Variants in MRPL40 observed in about 807,000 individuals in gnomAD.
The protein encoded by MRPL40 is mitochondrial ribosomal protein L40.
MRPL40 carries 18 observed loss-of-function variants against 24.5 expected under a neutral mutation model. That is an observed-to-expected ratio of 0.73 (90% confidence interval 0.51 to 1.09). The LOEUF is 1.09. Ranked by LOEUF, MRPL40 falls within the 50% of genes least tolerant of loss-of-function variation. MRPL40 has a pLI of 0.00. For synonymous variants in MRPL40, 108 were observed against 94.6 expected, an observed-to-expected ratio of 1.14 and a Z score of -0.82; for missense variants, 256 against 243.8, an observed-to-expected ratio of 1.05 and a Z score of -0.33.
At position 19,433,273 on chromosome 22, in the gene MRPL40, G is replaced by C. The variant is rs754869673; in HGVS notation, c.62G>C (p.Gly21Ala). The C allele has an allele frequency of 3.3e-5, 53 of 1,610,460 alleles. No individual in the cohort carries two copies. Among genetic ancestry groups the C allele is most frequent in the Non-Finnish European group, 3.9e-5 (46 of 1,176,996 alleles). The change falls in exon 2 of 4, where the codon GGA becomes GCA. Residue 21 changes from glycine to alanine, a missense_variant. Physicochemically the swap from Gly to Ala is moderately conservative, Grantham distance 60. Coordinates refer to ENST00000333130, the MANE Select transcript of MRPL40 (RefSeq NM_003776.4). Reference protein sequence around the residue: ...LALRPTSGLLGTWQTQLRETH... With the variant: ...LALRPTSGLLATWQTQLRETH... ...ACTCTTGTATCTTTCAGGCTTCTGG[G>C]AACTTGGCAGACGCAGCTTAGAGAG...
rs1320465157 is a variant in MRPL40 at position 19,433,204 on chromosome 22, CGT to C, written c.54-59_54-58del. 6 of 1,190,598 alleles carry C rather than the reference CGT, an allele frequency of 5.0e-6. No individual in the cohort carries two copies. In the African/African-American group the frequency reaches 6.0e-5, roughly 12 times the overall value. 73.8% of individuals were successfully genotyped at this position (1,190,598 alleles called of 1,614,324 possible). A position where few individuals can be genotyped will look rare whatever the true frequency, so the allele number is the denominator to read the frequency against. On this transcript the variant is annotated intron_variant, in intron 1 of 3. Transcript: ENST00000333130. ...CCTCCCAAAGTGCTGGGATTACAGA[CGT>C]GAGCAACCGCGCCTAGCCTGGAGAA...
chr22:19,433,001 C>G, intron 1 of MRPL40: 1 of 659,648 alleles, frequency 1.5e-6, no homozygotes, highest in Non-Finnish European at 2.2e-6. Flanking sequence ...GCGATTTCGG[C>G]TCACTGCAAC....
At chr22:19,433,770 C>CT (rs200267816) in intron 2 of MRPL40, among the ~76,000 whole-genome samples, 11,630 of 149,026 alleles carry the variant, frequency 0.078, 496 homozygotes, top group Middle Eastern at 0.17. Flanking sequence ...TTTGATTTTT[C>CT]TTTTTTTTTT....
chr22:19,435,508 A>G (rs2089581316), intron 3 of MRPL40, 130 bp from the exon 4 acceptor site: 1 of 847,036 alleles, frequency 1.2e-6, no homozygotes, highest in South Asian at 1.7e-5. Flanking sequence ...TCAACATTCC[A>G]TTTCTTAATT....
At chr22:19,434,941 T>C in intron 3 of MRPL40, 47 bp downstream of exon 3, 3 of 1,481,320 alleles carry the variant, frequency 2.0e-6, no homozygotes, top group Non-Finnish European at 2.7e-6. Context: ...AAAGGAGTAA[T>C]ATCAACTTCA....
intron 3 of MRPL40, 50 bp downstream of exon 3, chr22:19,434,944 C>T (rs2089577652): frequency 6.8e-7 from 1 of 1,462,136 alleles, no homozygotes; most frequent in Non-Finnish European, 9.3e-7. Context: ...GGAGTAATAT[C>T]AACTTCAGGT....
rs763039025 is a variant in MRPL40, at chr22:19,433,319, G to T, written c.108G>T (p.Leu36Phe). 1.5e-5 allele frequency: 25 copies of T among 1,612,932 alleles called. No homozygotes were observed. The South Asian group carries it at 2.6e-4, about 17-fold the overall frequency. ...GAGAGACTCACCAGCGAGCGTCATTGTTGTCTTTCTGGGAACTCATTCCCA... is the reference window on the plus strand; with the variant it reads ...GAGAGACTCACCAGCGAGCGTCATTTTTGTCTTTCTGGGAACTCATTCCCA... ...QLRETHQRAS[L>F]LSFWELIPMR... Residue 36 changes from leucine (L) to phenylalanine (F), a missense_variant, in exon 2 of 4, where the codon TTG (leucine) becomes TTT (phenylalanine). Leu to Phe is a conservative substitution (Grantham distance 22). Transcript: ENST00000333130.
chr22:19,434,669 C>T, intron 2 of MRPL40, 67 bp from the exon 3 acceptor site: 1 of 1,358,060 alleles, frequency 7.4e-7, no homozygotes, highest in South Asian at 1.5e-5. Context: ...GGGTACTTAC[C>T]ATCTTGTCTC....
chr22:19,434,207 G>A (rs1601873212), intron 2 of MRPL40, among the ~76,000 whole-genome samples: 1 of 142,622 alleles, frequency 7.0e-6, no homozygotes, highest in African/African-American at 2.6e-5. Context: ...GCCTCTTGTT[G>A]CTTTTGTACT....
chr22:19,436,066 T>G lies in MRPL40; in HGVS notation c.*104T>G. 9.8e-7 allele frequency: 1 copy of G among 1,018,654 alleles called. No homozygotes were observed. Among genetic ancestry groups the G allele is most frequent in the Non-Finnish European group, 1.4e-6 (1 of 693,324 alleles). 63.1% of individuals were successfully genotyped at this position (1,018,654 alleles called of 1,614,324 possible). A position where few individuals can be genotyped will look rare whatever the true frequency, so the allele number is the denominator to read the frequency against. Reference sequence around the variant, plus strand: ...AGGCATGCTGTTAATAAATACTGGTTTAATCAAAATGCTCCTTTGTCTTGT... The same window carrying G: ...AGGCATGCTGTTAATAAATACTGGTGTAATCAAAATGCTCCTTTGTCTTGT... On this transcript the variant is annotated 3_prime_UTR_variant, in exon 4 of 4. Coordinates refer to ENST00000333130, the MANE Select transcript of MRPL40 (RefSeq NM_003776.4).
chr22:19,432,782 GC>G, intron 1 of MRPL40, 175 bp downstream of exon 1: 2 of 1,390,306 alleles, frequency 1.4e-6, no homozygotes, highest in Non-Finnish European at 1.9e-6. Context: ...CTGGCGAGCA[GC>G]GGTCCTGCTT....
At position 19,432,619 on chromosome 22, in the gene MRPL40, C is replaced by T. The variant is rs375943804; in HGVS notation, c.53+12C>T. On this transcript the variant is annotated intron_variant, in intron 1 of 3. Transcript: ENST00000333130. Reference sequence around the variant, plus strand: ...CGCCCGACTAGCGGGTGAGTGCGGACGCTGGCCGGATAGCGGAGTGCCCAG... The same window carrying T: ...CGCCCGACTAGCGGGTGAGTGCGGATGCTGGCCGGATAGCGGAGTGCCCAG... 1.1e-4 allele frequency: 163 copies of T among 1,548,670 alleles called. 1 individual carries two copies. Among genetic ancestry groups the T allele is most frequent in the South Asian group, 3.1e-4 (26 of 83,740 alleles).
Position 19,435,621 on chromosome 22 carries a change from C to T in MRPL40, c.297-17C>T, listed in dbSNP as rs1209670794. 1.2e-6 allele frequency: 2 copies of T among 1,600,634 alleles called. No homozygotes were observed. The highest frequency in any genetic ancestry group is 4.5e-5 in the East Asian group (2 of 44,752). On this transcript the variant is annotated splice_polypyrimidine_tract_variant and intron_variant, in intron 3 of 3. Transcript: ENST00000333130. ...CTTACATGCCAGTGAGATTGGTAACCCTTAGCTTCTTTGCAGAGAGCGGCC... is the reference window on the plus strand; with the variant it reads ...CTTACATGCCAGTGAGATTGGTAACTCTTAGCTTCTTTGCAGAGAGCGGCC...
chr22:19,433,227 G>C lies in MRPL40; in HGVS notation c.54-38G>C, dbSNP rs777200500. ...GACGTGAGCAACCGCGCCTAGCCTG[G>C]AGAAGCAGATATTTATACATACTCT... On this transcript the variant is annotated intron_variant, in intron 1 of 3. Coordinates refer to ENST00000333130, the MANE Select transcript of MRPL40 (RefSeq NM_003776.4). 5.5e-6 allele frequency: 8 copies of C among 1,450,066 alleles called. No homozygotes were observed. The African/African-American group carries it at 9.8e-5, about 18-fold the overall frequency. The allele number at this position is 1,450,066 out of a possible 1,614,324, so 89.8% of individuals were successfully genotyped here.
chr22:19,434,623 T>C lies in MRPL40; in HGVS notation c.138-113T>C, dbSNP rs186516594. On this transcript the variant is annotated intron_variant, in intron 2 of 3. Coordinates refer to ENST00000333130, the MANE Select transcript of MRPL40 (RefSeq NM_003776.4). ...CCACGCTGAGCTCATGAGTTAGTCA[T>C]GCACAGCTCCTTCCCCCAGTGGAGA... The C allele has an allele frequency of 1.2e-5, 10 of 820,842 alleles. No homozygotes were observed. In the African/African-American group the frequency reaches 1.6e-4, roughly 13 times the overall value. 50.8% of individuals were successfully genotyped at this position (820,842 alleles called of 1,614,324 possible).
intron 1 of MRPL40, 77 bp from the exon 2 acceptor site, chr22:19,433,188 G>A (rs894207890): frequency 1.0e-6 from 1 of 989,148 alleles, no homozygotes; most frequent in Non-Finnish European, 1.6e-6. Context: ...GCCTCCCAAA[G>A]TGCTGGGATT....
chr22:19,434,446 C>A (rs2089573478), intron 2 of MRPL40, among the ~76,000 whole-genome samples: 1 of 151,866 alleles, frequency 6.6e-6, no homozygotes, highest in Non-Finnish European at 1.5e-5. Flanking sequence ...TGGTCTCGAA[C>A]TCCTGACCTT....
At chr22:19,432,841 G>T in intron 1 of MRPL40, 2 of 1,354,294 alleles carry the variant, frequency 1.5e-6, no homozygotes, top group Non-Finnish European at 1.9e-6. Flanking sequence ...CTTCCACGTT[G>T]ACCTTGCTGT....
intron 3 of MRPL40, 84 bp from the exon 4 acceptor site, chr22:19,435,552 CTG>C (rs2089581498): frequency 7.9e-6 from 10 of 1,268,036 alleles, no homozygotes; most frequent in Non-Finnish European, 1.1e-5. Context: ...TAAGTCCTGT[CTG>C]TGTCTGGCAA....
Sources: gnomAD v4.1 joint callset for allele counts (sites outside exome capture counted in the v4.1 genomes callset) on GRCh38, gnomAD v4.1.1 for gene constraint, MANE v1.5 for transcripts, NCBI Gene and HGNC (gene_info 2026-07-23, HGNC 2026-07-21) for gene names.